CNTN6: variants seen among roughly 807,000 people sequenced by gnomAD.
CNTN6 encodes contactin-6.
CNTN6 carries 137 observed loss-of-function variants against 122.8 expected under a neutral mutation model. The ratio of observed to expected loss-of-function variants is 1.12; its 90% CI spans 0.97 to 1.29. The LOEUF (loss-of-function observed/expected upper bound fraction) is 1.29, where lower values mean the gene tolerates loss of function less well. CNTN6 is among the 50% of genes most tolerant of loss of function. The pLI is 0.00. For missense variants in CNTN6, 1,634 were observed against 1,223.4 expected (o/e 1.34, Z -5.01); for synonymous variants, 570 against 426.0 (o/e 1.34, Z -4.16).
chr3:1,354,747 C>T (rs921368260), intron 12 of CNTN6, among the ~76,000 whole-genome samples: 6 of 151,432 alleles, frequency 4.0e-5, no homozygotes, highest in Non-Finnish European at 8.9e-5. Flanking sequence ...TACTGGCTTC[C>T]TTGCTCTAAA....
intron 11 of CNTN6, among the ~76,000 whole-genome samples, chr3:1,342,215 C>T (rs1037541552): frequency 1.3e-5 from 2 of 151,986 alleles, no homozygotes; most frequent in African/African-American, 2.4e-5. Flanking sequence ...CTGCAACCTC[C>T]GCCTTCCGGG....
intron 11 of CNTN6, among the ~76,000 whole-genome samples, chr3:1,349,262 G>A (rs1457776712): frequency 6.6e-6 from 1 of 151,568 alleles, no homozygotes; most frequent in Non-Finnish European, 1.5e-5. Flanking sequence ...TGTAATCATG[G>A]TATTACCTTC....
Position 1,148,171 on chromosome 3 carries a change from T to G in CNTN6, c.55+108T>G. ...ATGCACAATTTGTATGTTATTTGAA[T>G]GACTAAGTGATAATGTTTTGAAGGT... is the stretch of plus-strand genomic sequence containing the variant. On this transcript the variant is annotated intron_variant, in intron 2 of 22. Coordinates refer to ENST00000446702, the MANE Select transcript of CNTN6 (RefSeq NM_001289080.2). 3.8e-6 allele frequency: 3 copies of G among 797,308 alleles called. No homozygotes were observed. The South Asian group carries it at 5.1e-5, about 14-fold the overall frequency. The allele number at this position is 797,308 out of a possible 1,614,324, so 49.4% of individuals were successfully genotyped here.
rs1165686392 is a variant in CNTN6, at chr3:1,383,400, G to C, written c.2509G>C (p.Gly837Arg). The C allele has an allele frequency of 6.2e-7, 1 of 1,612,566 alleles. No individual in the cohort carries two copies. The highest frequency in any genetic ancestry group is 8.5e-7 in the Non-Finnish European group (1 of 1,178,840). The stretch of plus-strand genomic sequence containing the variant: ...GAATAGAAACACTGGAAGAGTGCTG[G>C]GCTATGAGGTAATCCACATTAATTT... Reference protein sequence around the residue: ...AWNRNTGRVLGYEVLYWTDDS... With the variant: ...AWNRNTGRVLRYEVLYWTDDS... The change falls in exon 19 of 23, where the codon GGC becomes CGC. Residue 837 changes from glycine (G) to arginine (R), a missense_variant. Physicochemically the swap from Gly to Arg is moderately radical, Grantham distance 125. Transcript: ENST00000446702.
At chr3:1,321,486 CTGAT>C (rs1189996177) in intron 7 of CNTN6, among the ~76,000 whole-genome samples, 160 bp from the exon 8 acceptor site, 1 of 151,674 alleles carries the variant, frequency 6.6e-6, no homozygotes, top group Non-Finnish European at 1.5e-5. Flanking sequence ...AAATAAATGA[CTGAT>C]TGAGTGAATG....
chr3:1,255,589 A>G (rs555360065), intron 4 of CNTN6, among the ~76,000 whole-genome samples: 10 of 152,238 alleles, frequency 6.6e-5, no homozygotes, highest in African/African-American at 2.2e-4. Context: ...GCTCCATACA[A>G]TTTTAAGAAA....
At position 1,243,693 on chromosome 3, in the gene CNTN6, G is replaced by A. The variant is rs1029938313; in HGVS notation, c.358+15700G>A. On this transcript the variant is annotated intron_variant, in intron 4 of 22. Coordinates refer to ENST00000446702, the MANE Select transcript of CNTN6 (RefSeq NM_001289080.2). ...AGCATTAACCTTGACTATGCCTTTG[G>A]CTCCAGCCACCTTTTAAAGAGTAAA... Among the ~76,000 whole-genome samples the A allele has an allele frequency of 7.2e-5, 11 of 152,292 alleles. No individual in the cohort carries two copies. In the South Asian group the frequency reaches 2.1e-3, roughly 29 times the overall value.
intron 2 of CNTN6, among the ~76,000 whole-genome samples, chr3:1,177,433 T>A (rs1412102649): frequency 2.0e-5 from 3 of 152,210 alleles, no homozygotes; most frequent in Non-Finnish European, 4.4e-5. Flanking sequence ...CAGTTAAAAG[T>A]AAGAAATTTA....
At chr3:1,118,014 G>A (rs1009232716) in intron 1 of CNTN6, among the ~76,000 whole-genome samples, 3 of 152,054 alleles carry the variant, frequency 2.0e-5, no homozygotes, top group African/African-American at 7.2e-5. Context: ...TCCCAAATAA[G>A]CCCTTGCCTC....
At chr3:1,300,585 G>GAA (rs752880706) in intron 7 of CNTN6, among the ~76,000 whole-genome samples, 1 of 120,946 alleles carries the variant, frequency 8.3e-6, no homozygotes, top group South Asian at 2.5e-4. Context: ...AAGAAAGAAA[G>GAA]AAAGAAAGAA....
intron 20 of CNTN6, among the ~76,000 whole-genome samples, chr3:1,398,010 C>T (rs1695198108): frequency 6.6e-6 from 1 of 152,002 alleles, no homozygotes; most frequent in African/African-American, 2.4e-5. Context: ...TAATGTTGCT[C>T]TGTCATTTGA....
intron 4 of CNTN6, among the ~76,000 whole-genome samples, chr3:1,266,988 T>C (rs2094936622): frequency 7.4e-6 from 1 of 135,478 alleles, no homozygotes; most frequent in African/African-American, 2.8e-5. Flanking sequence ...ACAGAGTCTC[T>C]CTCTGTAACC....
At chr3:1,180,274 T>A (rs2093530449) in intron 2 of CNTN6, among the ~76,000 whole-genome samples, 1 of 152,166 alleles carries the variant, frequency 6.6e-6, no homozygotes, top group Non-Finnish European at 1.5e-5. Flanking sequence ...TGGCAACATA[T>A]CAAGAATTAA....
intron 1 of CNTN6, among the ~76,000 whole-genome samples, chr3:1,143,025 C>T (rs1045939446): frequency 9.1e-5 from 11 of 120,710 alleles, no homozygotes; most frequent in African/African-American, 1.9e-4. Context: ...ATGAACAATA[C>T]ACTTATCATC....
In CNTN6 at chr3:1,383,390, A is replaced by G; in HGVS notation, c.2499A>G (p.Gly833=). 1.2e-6 allele frequency: 2 copies of G among 1,613,804 alleles called. No individual in the cohort carries two copies. Among genetic ancestry groups the G allele is most frequent in the Non-Finnish European group, 1.7e-6 (2 of 1,179,716 alleles). Residue 833 remains glycine (G), a synonymous_variant, in exon 19 of 23, where the codon GGA becomes GGG. Coordinates refer to ENST00000446702, the MANE Select transcript of CNTN6 (RefSeq NM_001289080.2). ...WNAIAWNRNT[G]RVLGYEVLYW... ...CTATTGCCTGGAATAGAAACACTGGAAGAGTGCTGGGCTATGAGGTAATCC... is the reference window on the plus strand; with the variant it reads ...CTATTGCCTGGAATAGAAACACTGGGAGAGTGCTGGGCTATGAGGTAATCC...
At chr3:1,277,341 G>GTTTTTTTTT (rs1559684658) in intron 4 of CNTN6, among the ~76,000 whole-genome samples, 5 of 66,126 alleles carry the variant, frequency 7.6e-5, no homozygotes, top group Admixed American at 4.8e-4. Flanking sequence ...CTTTTAGTAG[G>GTTTTTTTTT]TTTTCTTTTT....
At chr3:1,327,653 C>T in intron 10 of CNTN6, 67 bp downstream of exon 10, 4 of 1,496,858 alleles carry the variant, frequency 2.7e-6, no homozygotes, top group Non-Finnish European at 2.7e-6. Context: ...TATGCATAAT[C>T]CCAACCCAAT....
At chr3:1,128,620 G>C (rs2092245091) in intron 1 of CNTN6, among the ~76,000 whole-genome samples, 1 of 151,942 alleles carries the variant, frequency 6.6e-6, no homozygotes, top group South Asian at 2.1e-4. Context: ...ATTGAGTTTA[G>C]AAACTAAGAA....
Position 1,260,073 on chromosome 3 carries a change from C to CT in CNTN6, c.359-18340_359-18339insT, listed in dbSNP as rs1242418928. Among the ~76,000 whole-genome samples, 9 of 152,172 alleles carry CT rather than the reference C, an allele frequency of 5.9e-5. No individual in the cohort carries two copies. The East Asian group carries it at 1.7e-3, about 29-fold the overall frequency. ...AGGAAGAGATATCCTTAAGCCAATG[C>CT]AGATGAGATCCTGTCTATTTCTTTT... On this transcript the variant is annotated intron_variant, in intron 4 of 22. Coordinates refer to ENST00000446702, the MANE Select transcript of CNTN6 (RefSeq NM_001289080.2).
Sources: allele counts gnomAD v4.1 joint callset (sites outside exome capture counted in the v4.1 genomes callset), GRCh38; gene constraint gnomAD v4.1.1; transcripts MANE v1.5; gene names NCBI Gene and HGNC (gene_info 2026-07-23, HGNC 2026-07-21).